Variants in INTS15 observed in about 807,000 individuals in gnomAD.
The protein encoded by INTS15 is uncharacterized protein C7orf26.
the INTS15 span, chr7:6,608,072 G>GGCCCC: frequency 1.1e-5 from 17 of 1,580,380 alleles, no homozygotes; most frequent in Non-Finnish European, 1.2e-5. Context: ...GGCTGTCCCG[G>GGCCCC]CCCACCCCGC....
chr7:6,607,871 G>T, the INTS15 span: 3 of 1,555,074 alleles, frequency 1.9e-6, no homozygotes, highest in East Asian at 4.7e-5. The surrounding 1 kb of genome is among the most constrained non-coding windows in gnomAD (Gnocchi z 6.0). Flanking sequence ...TCTCCTGGGC[G>T]GGGTGCGGGG....
chr7:6,600,693 T>G, the INTS15 span, among the ~76,000 whole-genome samples: 2 of 152,216 alleles, frequency 1.3e-5, no homozygotes, highest in Non-Finnish European at 2.9e-5. Flanking sequence ...AGTCTCACGC[T>G]GTTGTCCAGA....
At chr7:6,590,522 C>T in the INTS15 span, 2 of 1,495,048 alleles carry the variant, frequency 1.3e-6, no homozygotes, top group Admixed American at 4.5e-5. Context: ...GGCGGGCGGG[C>T]GGGCCTTTTC....
At chr7:6,594,510 A>G in the INTS15 span, 1 of 1,614,152 alleles carries the variant, frequency 6.2e-7, no homozygotes, top group Non-Finnish European at 8.5e-7. Context: ...GCCGGGATCC[A>G]TTCAGACGCT....
At chr7:6,606,515 G>A in the INTS15 span, among the ~76,000 whole-genome samples, 1 of 152,106 alleles carries the variant, frequency 6.6e-6, no homozygotes, top group Non-Finnish European at 1.5e-5. Context: ...TTGGTGTTAG[G>A]AGAGACCAGT....
At chr7:6,600,206 G>A in the INTS15 span, 4 of 1,614,142 alleles carry the variant, frequency 2.5e-6, no homozygotes, top group Non-Finnish European at 3.4e-6. Context: ...GATCCTCTTC[G>A]ACCACATGGT....
the INTS15 span, chr7:6,602,532 C>T: frequency 1.8e-5 from 7 of 386,954 alleles, no homozygotes; most frequent in African/African-American, 2.1e-5. Flanking sequence ...GGCCATCAGG[C>T]GGCACGGACC....
the INTS15 span, chr7:6,599,876 A>G: frequency 6.2e-7 from 1 of 1,614,096 alleles, no homozygotes. Context: ...TGTCACCTGG[A>G]TTTTTGAGGA....
chr7:6,600,738 A>G, the INTS15 span, among the ~76,000 whole-genome samples: 3 of 149,176 alleles, frequency 2.0e-5, no homozygotes, highest in African/African-American at 5.0e-5. Flanking sequence ...ACTCAGTGCA[A>G]CCTCCATCTC....
At chr7:6,600,171 A>G in the INTS15 span, 1 of 1,614,216 alleles carries the variant, frequency 6.2e-7, no homozygotes, top group Non-Finnish European at 8.5e-7. Flanking sequence ...CTGACCGAGA[A>G]GAATCTGTAT....
the INTS15 span, chr7:6,592,016 A>G: frequency 3.1e-6 from 2 of 653,604 alleles, no homozygotes; most frequent in Non-Finnish European, 5.1e-6. Flanking sequence ...TACTAAAAAT[A>G]CAAAATTAGC....
the INTS15 span, among the ~76,000 whole-genome samples, chr7:6,603,447 T>G: frequency 2.0e-5 from 3 of 151,722 alleles, no homozygotes; most frequent in Non-Finnish European, 4.4e-5. Flanking sequence ...CTTGGGAGGC[T>G]GAGGCTGGAG....
the INTS15 span, chr7:6,590,263 G>A: frequency 3.0e-5 from 45 of 1,495,186 alleles, no homozygotes; most frequent in Middle Eastern, 1.2e-3. Flanking sequence ...CGCTCGGCGC[G>A]GGGGCCGCGG....
At chr7:6,601,949 G>T in the INTS15 span, 3 of 688,960 alleles carry the variant, frequency 4.4e-6, no homozygotes, top group East Asian at 3.0e-5. Flanking sequence ...GAGCCACTGC[G>T]CCCGGCTAGA....
chr7:6,600,238 C>T, the INTS15 span: 4 of 1,614,086 alleles, frequency 2.5e-6, no homozygotes, highest in South Asian at 1.1e-5. Flanking sequence ...AGGAGATCAA[C>T]AGGTTGGCGG....
the INTS15 span, among the ~76,000 whole-genome samples, chr7:6,606,531 C>T: frequency 1.1e-3 from 172 of 152,166 alleles, no homozygotes; most frequent in African/African-American, 4.0e-3. Context: ...CCAGTGCAGG[C>T]GCTGCAGACA....
the INTS15 span, among the ~76,000 whole-genome samples, chr7:6,590,804 TTTC>T: frequency 2.1e-4 from 32 of 152,168 alleles, no homozygotes; most frequent in Middle Eastern, 6.8e-3. Flanking sequence ...TCTGTATGGC[TTTC>T]TTCTTACATC....
chr7:6,606,385 CAG>C, the INTS15 span, among the ~76,000 whole-genome samples: 1 of 151,764 alleles, frequency 6.6e-6, no homozygotes, highest in African/African-American at 2.4e-5. Context: ...GGGGAGTAGA[CAG>C]AGAGCAGGCA....
At chr7:6,596,924 G>T in the INTS15 span, among the ~76,000 whole-genome samples, 1 of 151,504 alleles carries the variant, frequency 6.6e-6, no homozygotes, top group Non-Finnish European at 1.5e-5. Context: ...GACTACAGGC[G>T]CCCGCTACCA....
Sources: gnomAD v4.1 joint callset for allele counts (sites outside exome capture counted in the v4.1 genomes callset) on GRCh38, gnomAD v4.1.1 for gene constraint, Gnocchi (gnomAD v3.1) non-coding constraint, MANE v1.5 for transcripts, NCBI Gene and HGNC (gene_info 2026-07-23, HGNC 2026-07-21) for gene names.